The following SLC50A1 variants were observed in gnomAD, a reference collection of about 807,000 sequenced individuals.
SLC50A1 encodes the protein sugar transporter SWEET1.
SLC50A1 carries 22 observed loss-of-function variants against 28.9 expected under a neutral mutation model. The observed-to-expected ratio is 0.76, with a 90% CI of 0.54 to 1.09. SLC50A1 has a LOEUF of 1.09. Among genes scored for constraint, SLC50A1 ranks in the 50% least tolerant of loss-of-function variants. The pLI is 0.00. For missense variants in SLC50A1, 233 were observed against 273.4 expected (o/e 0.85, Z 1.04); for synonymous variants, 96 against 110.6 (o/e 0.87, Z 0.83).
chr1:155,137,071 C>G (rs1219146635), intron 3 of SLC50A1, 120 bp downstream of exon 3: 1 of 1,345,364 alleles, frequency 7.4e-7, no homozygotes, highest in African/African-American at 1.4e-5. Context: ...GAAGGCCTCT[C>G]CAGCCTTGCA....
Position 155,138,439 on chromosome 1 carries a change from G to C in SLC50A1, c.*158G>C. The C allele has an allele frequency of 4.6e-6, 3 of 652,770 alleles. No homozygotes were observed. In the South Asian group the frequency reaches 5.9e-5, roughly 13 times the overall value. The allele number at this position is 652,770 out of a possible 1,614,324, so 40.4% of individuals were successfully genotyped here. On this transcript the variant is annotated 3_prime_UTR_variant, in exon 6 of 6. Transcript: ENST00000368404. ...AGGACCAAAGAAAAAGCTTTACTTA[G>C]ATGATTGATTGGGGCCTAGGAGATG...
Position 155,138,303 on chromosome 1 carries a change from G to T in SLC50A1, c.*22G>T. On this transcript the variant is annotated 3_prime_UTR_variant, in exon 6 of 6. Transcript: ENST00000368404. Reference sequence around the variant, plus strand: ...CTGAGGCTGCTCATCTGACCACTGGGCACCTTAGTGCCAACCTGAACCAAA... The same window carrying T: ...CTGAGGCTGCTCATCTGACCACTGGTCACCTTAGTGCCAACCTGAACCAAA... The T allele has an allele frequency of 1.9e-6, 3 of 1,610,016 alleles. No homozygotes were observed. The highest frequency in any genetic ancestry group is 1.7e-6 in the Non-Finnish European group (2 of 1,177,764).
chr1:155,135,474 TG>T, upstream of SLC50A1: 1 of 1,058,274 alleles, frequency 9.4e-7, no homozygotes, highest in Non-Finnish European at 1.3e-6. Context: ...TGTGGAGCTC[TG>T]GATGGAAAGC....
chr1:155,135,980 C>G lies in SLC50A1; in HGVS notation c.69C>G (p.Phe23Leu), dbSNP rs1374011402. ...GACVVFTLGM[F>L]SAGLSDLRHM... ...GCGTGGTCTTCACCCTTGGCATGTT[C>G]TCCGCCGGCCTGTGAGAGTGCGGCC... Residue 23 changes from phenylalanine to leucine, a missense_variant, in exon 1 of 6, where the codon TTC (phenylalanine) becomes TTG (leucine). By Grantham distance (22) the Phe-to-Leu change is conservative. Coordinates refer to ENST00000368404, the MANE Select transcript of SLC50A1 (RefSeq NM_018845.4). 1 of 1,614,014 alleles carries G rather than the reference C, an allele frequency of 6.2e-7. No individual in the cohort carries two copies. The highest frequency in any genetic ancestry group is 1.7e-5 in the Admixed American group (1 of 60,024).
chr1:155,138,691 G>T lies in SLC50A1; in HGVS notation c.*410G>T, dbSNP rs936362697. On this transcript the variant is annotated 3_prime_UTR_variant, in exon 6 of 6. Transcript: ENST00000368404. ...AATACAAAATTAGCCAGGCATGATGGCACATGCCTGTAATCCCAGATACTT... is the reference window on the plus strand; with the variant it reads ...AATACAAAATTAGCCAGGCATGATGTCACATGCCTGTAATCCCAGATACTT... The T allele has an allele frequency of 2.1e-4, 40 of 192,164 alleles. 1 individual carries two copies. In the Middle Eastern group the frequency reaches 7.6e-3, roughly 37 times the overall value. The allele number at this position is 192,164 out of a possible 1,614,324, so 11.9% of individuals were successfully genotyped here.
chr1:155,135,587 A>G (rs555688515), upstream of SLC50A1: 76 of 1,548,746 alleles, frequency 4.9e-5, 1 homozygote, highest in South Asian at 8.0e-4. Context: ...GGGCGTCTAG[A>G]TGATCCAAGG....
intron 2 of SLC50A1, 96 bp from the exon 3 acceptor site, chr1:155,136,732 G>C: frequency 3.3e-6 from 5 of 1,512,568 alleles, no homozygotes; most frequent in Non-Finnish European, 4.5e-6. Context: ...GACAGAGCGA[G>C]ACTACGTCTC....
chr1:155,137,770 CAT>C, intron 4 of SLC50A1, 48 bp downstream of exon 4: 17 of 1,608,410 alleles, frequency 1.1e-5, no homozygotes, highest in Non-Finnish European at 1.4e-5. Flanking sequence ...GTCAGGCTCT[CAT>C]AGCCAAATAC....
chr1:155,138,399 G>A lies in SLC50A1; in HGVS notation c.*118G>A. The A allele has an allele frequency of 1.1e-6, 1 of 871,516 alleles. No homozygotes were observed. Among genetic ancestry groups the A allele is most frequent in the South Asian group, 1.5e-5 (1 of 64,604 alleles). 54.0% of individuals were successfully genotyped at this position (871,516 alleles called of 1,614,324 possible). A position where few individuals can be genotyped will look rare whatever the true frequency, so the allele number is the denominator to read the frequency against. On this transcript the variant is annotated 3_prime_UTR_variant, in exon 6 of 6. Coordinates refer to ENST00000368404, the MANE Select transcript of SLC50A1 (RefSeq NM_018845.4). ...GCAGTGGGTTGTGGGAACAAGAGATGACTTTGAGGATAAAAGGACCAAAGA... is the reference window on the plus strand; with the variant it reads ...GCAGTGGGTTGTGGGAACAAGAGATAACTTTGAGGATAAAAGGACCAAAGA...
rs878938687 is a variant in SLC50A1 at position 155,135,895 on chromosome 1, A to G, written c.-17A>G. 6.2e-7 allele frequency: 1 copy of G among 1,610,470 alleles called. No homozygotes were observed. The highest frequency in any genetic ancestry group is 1.3e-5 in the African/African-American group (1 of 74,838). On this transcript the variant is annotated 5_prime_UTR_variant, in exon 1 of 6. Coordinates refer to ENST00000368404, the MANE Select transcript of SLC50A1 (RefSeq NM_018845.4). ...GCTCGCGGCGGGCGCTGGGCGCGGG[A>G]TCCGACTCTAGTCGTAATGGAGGCG...
At chr1:155,136,493 C>T (rs1664484181) in intron 2 of SLC50A1, 117 bp downstream of exon 2, 2 of 965,908 alleles carry the variant, frequency 2.1e-6, no homozygotes, top group Non-Finnish European at 1.6e-6. Flanking sequence ...CCTGTAATCC[C>T]TGCACTTTGG....
chr1:155,136,603 C>T, intron 2 of SLC50A1: 1 of 703,170 alleles, frequency 1.4e-6, no homozygotes, highest in Non-Finnish European at 2.3e-6. Flanking sequence ...ATTAGCCGGG[C>T]GTGGTGCCGG....
chr1:155,136,262 T>TG, intron 1 of SLC50A1, 37 bp from the exon 2 acceptor site: 44 of 1,376,880 alleles, frequency 3.2e-5, no homozygotes, highest in Non-Finnish European at 4.3e-5. Context: ...GCTTCTCCCT[T>TG]CCCACCCCCA....
chr1:155,135,536 G>C, upstream of SLC50A1: 2 of 1,485,052 alleles, frequency 1.3e-6, no homozygotes, highest in East Asian at 2.5e-5. Context: ...GTCCACCGCC[G>C]AAGGCGCACA....
intron 2 of SLC50A1, 21 bp downstream of exon 2, chr1:155,136,397 G>A (rs1664473442): frequency 2.5e-6 from 4 of 1,604,328 alleles, no homozygotes; most frequent in East Asian, 2.2e-5. Context: ...GACGGCTGCG[G>A]TAGTGGGAAA....
chr1:155,135,860 G>GC lies in SLC50A1; in HGVS notation c.-51dup. The GC allele has an allele frequency of 6.2e-7, 1 of 1,610,836 alleles. No homozygotes were observed. Among genetic ancestry groups the GC allele is most frequent in the Middle Eastern group, 1.7e-4 (1 of 5,856 alleles). ...CAGGTCTGGGCTGCAGTAGGTCCCGGCAACCGCAGGCTCGCGGCGGGCGCT... is the reference window on the plus strand; with the variant it reads ...CAGGTCTGGGCTGCAGTAGGTCCCGGCCAACCGCAGGCTCGCGGCGGGCGCT... On this transcript the variant is annotated 5_prime_UTR_variant, in exon 1 of 6. Coordinates refer to ENST00000368404, the MANE Select transcript of SLC50A1 (RefSeq NM_018845.4).
At chr1:155,135,633 A>T, upstream of SLC50A1, 1 of 1,550,326 alleles carries the variant, frequency 6.5e-7, no homozygotes. Flanking sequence ...GGTATCGGGG[A>T]CACACCCGCG....
Position 155,138,588 on chromosome 1 carries a change from G to T in SLC50A1, c.*307G>T. ...GCCTGTAATCCCAGCACTTTGGGAG[G>T]CCAAGGTGGGCGGATCGCCTGAGGT... is the stretch of plus-strand genomic sequence containing the variant. On this transcript the variant is annotated 3_prime_UTR_variant, in exon 6 of 6. Coordinates refer to ENST00000368404, the MANE Select transcript of SLC50A1 (RefSeq NM_018845.4). The T allele has an allele frequency of 3.4e-6, 1 of 298,268 alleles. No homozygotes were observed. The highest frequency in any genetic ancestry group is 4.7e-5 in the Admixed American group (1 of 21,484). The allele number at this position is 298,268 out of a possible 1,614,324, so 18.5% of individuals were successfully genotyped here.
At chr1:155,136,092 G>T in intron 1 of SLC50A1, 101 bp downstream of exon 1, 3 of 1,422,016 alleles carry the variant, frequency 2.1e-6, no homozygotes, top group Non-Finnish European at 2.9e-6. Flanking sequence ...TCCGGAACCG[G>T]GATCAAAGTG....
Sources: allele counts gnomAD v4.1 joint callset, GRCh38; gene constraint gnomAD v4.1.1; transcripts MANE v1.5; gene names NCBI Gene and HGNC (gene_info 2026-07-23, HGNC 2026-07-21).